Variants in GABRG3 observed in about 807,000 individuals in gnomAD.
The protein encoded by GABRG3 is gamma-aminobutyric acid type A receptor subunit gamma3.
A neutral mutation model predicts 48.8 loss-of-function variants in GABRG3; 25 were observed. The observed-to-expected ratio is 0.51, with a 90% CI of 0.37 to 0.72. The LOEUF (loss-of-function observed/expected upper bound fraction) is 0.72, where lower values mean the gene tolerates loss of function less well. GABRG3 is among the 30% of genes least tolerant of loss of function. The pLI, the probability that GABRG3 is intolerant of heterozygous loss-of-function variation, is 0.00. For synonymous variants in GABRG3, 227 were observed against 217.6 expected (o/e 1.04, Z -0.38); for missense variants, 394 against 577.9 (o/e 0.68, Z 3.26).
chr15:27,095,284 G>C (rs1897251953), intron 3 of GABRG3, among the ~76,000 whole-genome samples: 1 of 152,192 alleles, frequency 6.6e-6, no homozygotes, highest in Admixed American at 6.5e-5. Flanking sequence ...TGGCAAAAGT[G>C]CATGGATTAC....
At chr15:27,074,543 C>A (rs1437688316) in intron 3 of GABRG3, among the ~76,000 whole-genome samples, 1 of 151,894 alleles carries the variant, frequency 6.6e-6, no homozygotes. Flanking sequence ...GAGGATGGGA[C>A]TGCCCAAGGC....
intron 6 of GABRG3, among the ~76,000 whole-genome samples, chr15:27,492,183 G>A (rs1218786469): frequency 6.6e-6 from 1 of 152,136 alleles, no homozygotes; most frequent in East Asian, 1.9e-4. Flanking sequence ...TAGCTAGCCA[G>A]CCCCCAATTC....
chr15:27,258,663 C>T (rs1890690191), intron 3 of GABRG3, among the ~76,000 whole-genome samples: 2 of 152,146 alleles, frequency 1.3e-5, no homozygotes, highest in African/African-American at 4.8e-5. Context: ...AGTGATATTC[C>T]CATACATGCA....
In GABRG3 at chr15:27,327,006, C is replaced by T. The variant is rs376676320; in HGVS notation, c.468C>T (p.Asp156=). 1.9e-4 allele frequency: 301 copies of T among 1,613,778 alleles called. 1 individual carries two copies. The highest frequency in any genetic ancestry group is 1.6e-3 in the Middle Eastern group (10 of 6,062). The change falls in exon 4 of 10, where the codon GAC becomes GAT. Residue 156 remains aspartate (D), a synonymous_variant. Transcript: ENST00000615808. ...TPNQLLRIWN[D]GKILYTLRLT... ...ATCAGCTCCTCCGGATTTGGAATGA[C>T]GGGAAAATCCTTTACACTTTGAGGT... is the stretch of plus-strand genomic sequence containing the variant.
chr15:27,407,556 C>T (rs1887675433), intron 5 of GABRG3, among the ~76,000 whole-genome samples: 1 of 152,132 alleles, frequency 6.6e-6, no homozygotes, highest in Non-Finnish European at 1.5e-5. Flanking sequence ...TTGGAAACAA[C>T]CAAGATGTTT....
chr15:27,093,309 C>T (rs1298385464), intron 3 of GABRG3, among the ~76,000 whole-genome samples: 1 of 152,204 alleles, frequency 6.6e-6, no homozygotes, highest in Non-Finnish European at 1.5e-5. Context: ...CAGACCCTTA[C>T]ATGCCCTCCT....
At chr15:27,189,420 G>C (rs1302932295) in intron 3 of GABRG3, among the ~76,000 whole-genome samples, 1 of 152,152 alleles carries the variant, frequency 6.6e-6, no homozygotes, top group South Asian at 2.1e-4. Context: ...GTGGTTTATA[G>C]TTTTCCTTGA....
At chr15:27,058,541 G>T (rs1051018229) in intron 3 of GABRG3, among the ~76,000 whole-genome samples, 4 of 152,096 alleles carry the variant, frequency 2.6e-5, no homozygotes, top group African/African-American at 9.7e-5. Context: ...TTGAAGTTTG[G>T]GAAGTTAATT....
At chr15:27,297,765 A>C (rs1006471970) in intron 3 of GABRG3, among the ~76,000 whole-genome samples, 1 of 152,176 alleles carries the variant, frequency 6.6e-6, no homozygotes, top group Non-Finnish European at 1.5e-5. Flanking sequence ...TAGATTATAT[A>C]AAATAATAAT....
chr15:27,507,224 G>T (rs546630126), intron 6 of GABRG3, among the ~76,000 whole-genome samples: 1 of 152,156 alleles, frequency 6.6e-6, no homozygotes, highest in East Asian at 1.9e-4. Context: ...TTAAGTTTTG[G>T]CCCAGCACGA....
chr15:27,282,505 A>T (rs1242579193), intron 3 of GABRG3, among the ~76,000 whole-genome samples: 1 of 152,180 alleles, frequency 6.6e-6, no homozygotes, highest in Non-Finnish European at 1.5e-5. Context: ...AAGCCCATTT[A>T]GTAAGGTTTT....
At chr15:26,985,408 T>A (rs1314503271) in intron 2 of GABRG3, among the ~76,000 whole-genome samples, 1 of 152,166 alleles carries the variant, frequency 6.6e-6, no homozygotes, top group Non-Finnish European at 1.5e-5. Context: ...CCCAAATAGG[T>A]CAGGAGTTAG....
At chr15:27,125,041 A>G (rs1253265914) in intron 3 of GABRG3, among the ~76,000 whole-genome samples, 1 of 152,166 alleles carries the variant, frequency 6.6e-6, no homozygotes, top group Non-Finnish European at 1.5e-5. Flanking sequence ...TTTGGCTTTT[A>G]ATGACAGCAG....
At chr15:27,427,653 C>T (rs1255091918) in intron 5 of GABRG3, among the ~76,000 whole-genome samples, 1 of 152,178 alleles carries the variant, frequency 6.6e-6, no homozygotes, top group Non-Finnish European at 1.5e-5. Context: ...GGATTCAAAG[C>T]CCTACCTCTA....
intron 2 of GABRG3, among the ~76,000 whole-genome samples, chr15:26,980,049 GT>G (rs1417450307): frequency 1.3e-5 from 2 of 151,750 alleles, no homozygotes; most frequent in Non-Finnish European, 2.9e-5. Flanking sequence ...GGTTGTGGTG[GT>G]TTTTTTCAAG....
intron 3 of GABRG3, among the ~76,000 whole-genome samples, chr15:27,071,756 T>G (rs756023345): frequency 2.0e-5 from 3 of 152,246 alleles, no homozygotes; most frequent in Admixed American, 6.5e-5. Context: ...CAGACAGATA[T>G]GGATATTTAC....
intron 5 of GABRG3, among the ~76,000 whole-genome samples, chr15:27,344,857 T>A (rs1406152562): frequency 1.3e-5 from 2 of 152,140 alleles, no homozygotes; most frequent in Non-Finnish European, 2.9e-5. Context: ...CAGTTTTACC[T>A]CTTGTCTTTT....
chr15:26,992,057 GAT>G (rs1180152979), intron 2 of GABRG3, among the ~76,000 whole-genome samples: 1 of 152,128 alleles, frequency 6.6e-6, no homozygotes, highest in African/African-American at 2.4e-5. Context: ...GGCATATAGA[GAT>G]GTGACTGATT....
At chr15:27,350,887 T>TGTGG (rs368003792) in intron 5 of GABRG3, among the ~76,000 whole-genome samples, 145,385 of 151,744 alleles carry the variant, frequency 0.96, 69,834 homozygotes, top group Non-Finnish European at 1. Flanking sequence ...GGTGTGTGTG[T>TGTGG]GTCGTGTGTG....
Sources: allele counts gnomAD v4.1 joint callset (sites outside exome capture counted in the v4.1 genomes callset), GRCh38; gene constraint gnomAD v4.1.1; transcripts MANE v1.5; gene names NCBI Gene and HGNC (gene_info 2026-07-23, HGNC 2026-07-21).